The following CPSF4L variants were observed in gnomAD, a reference collection of about 807,000 sequenced individuals.
CPSF4L encodes the protein putative cleavage and polyadenylation specificity factor subunit 4-like protein.
In CPSF4L, 18 loss-of-function variants were observed where a neutral mutation model predicts 24.0. The observed-to-expected ratio is 0.75, with a 90% CI of 0.52 to 1.11. The LOEUF (loss-of-function observed/expected upper bound fraction) is 1.11. CPSF4L is among the 50% of genes least tolerant of loss of function. CPSF4L has a pLI of 0.00. For missense variants in CPSF4L, 211 were observed against 221.8 expected (o/e 0.95, Z 0.31); for synonymous variants, 72 against 77.2 (o/e 0.93, Z 0.35).
At chr17:73,250,858 A>G (rs2062002764) in intron 5 of CPSF4L, 1 of 750,814 alleles carries the variant, frequency 1.3e-6, no homozygotes. Context: ...ATTCTCCCCT[A>G]ATTCACACTC....
intron 4 of CPSF4L, among the ~76,000 whole-genome samples, chr17:73,253,603 A>G (rs1046330795): frequency 6.6e-6 from 1 of 152,234 alleles, no homozygotes; most frequent in Non-Finnish European, 1.5e-5. Context: ...GGAATGCGGA[A>G]GAGAGCACAC....
At chr17:73,261,023 G>A in intron 1 of CPSF4L, 40 bp from the exon 2 acceptor site, 1 of 1,521,916 alleles carries the variant, frequency 6.6e-7, no homozygotes, top group Non-Finnish European at 8.9e-7. Context: ...AGCTTCCCCA[G>A]AGGCTGCAGC....
intron 4 of CPSF4L, 37 bp downstream of exon 4, chr17:73,253,894 C>G: frequency 6.9e-7 from 1 of 1,454,792 alleles, no homozygotes; most frequent in Non-Finnish European, 9.4e-7. Flanking sequence ...CCCTGATCCC[C>G]ACAGCCCCTA....
rs146478068 is a variant in CPSF4L at position 73,258,302 on chromosome 17, G to A, written c.155-469C>T. On this transcript the variant is annotated intron_variant, in intron 2 of 5. Transcript: ENST00000344935. ...TGGGATTACAGGCGTGAGCCACCGC[G>A]CCCAGCCAAGCTCTTGTTTTTGAGA... Among the ~76,000 whole-genome samples, 692 of 151,828 alleles carry A rather than the reference G, an allele frequency of 4.6e-3. 6 individuals carry two copies. The highest frequency in any genetic ancestry group is 0.015 in the African/African-American group (639 of 41,394).
At chr17:73,263,412 A>T (rs547065457), upstream of CPSF4L, among the ~76,000 whole-genome samples, 1 of 152,282 alleles carries the variant, frequency 6.6e-6, no homozygotes, top group East Asian at 1.9e-4. Context: ...CATTCACACA[A>T]TAATGCGATG....
intron 3 of CPSF4L, among the ~76,000 whole-genome samples, chr17:73,255,123 G>A (rs1329452103): frequency 1.3e-5 from 2 of 152,130 alleles, no homozygotes; most frequent in African/African-American, 2.4e-5. Flanking sequence ...GCGTCGTAGC[G>A]TCTATTCCAC....
chr17:73,251,135 A>G, intron 5 of CPSF4L: 3 of 1,514,404 alleles, frequency 2.0e-6, no homozygotes, highest in Non-Finnish European at 2.7e-6. Context: ...GAAAACACCT[A>G]CTGCAGATAG....
intron 2 of CPSF4L, among the ~76,000 whole-genome samples, chr17:73,258,755 C>T (rs903188286): frequency 3.3e-5 from 5 of 152,342 alleles, no homozygotes; most frequent in Admixed American, 1.3e-4. Context: ...CACCCCCTCT[C>T]GTCCTGCCAG....
chr17:73,243,784 C>T (rs546314104), downstream of CPSF4L, among the ~76,000 whole-genome samples: 4 of 152,210 alleles, frequency 2.6e-5, no homozygotes, highest in Admixed American at 6.5e-5. Context: ...TCTCCTGCCT[C>T]GGCCTCCCAA....
At chr17:73,259,479 C>G (rs1470183518) in intron 2 of CPSF4L, among the ~76,000 whole-genome samples, 1 of 152,210 alleles carries the variant, frequency 6.6e-6, no homozygotes, top group African/African-American at 2.4e-5. Context: ...ACTCCCCCGG[C>G]CAAGGTGCTC....
At chr17:73,248,156 T>A (rs1235938664), downstream of CPSF4L, 2 of 268,502 alleles carry the variant, frequency 7.4e-6, no homozygotes, top group Non-Finnish European at 1.4e-5. Flanking sequence ...CGCTCATGTA[T>A]GCAAAATTCC....
At chr17:73,242,292 C>T in the CPSF4L span, 5 of 1,607,770 alleles carry the variant, frequency 3.1e-6, no homozygotes, top group Admixed American at 1.7e-5. Context: ...TTGGAACCCC[C>T]TGCCGGACTT....
At chr17:73,248,012 C>CTATTAATA, downstream of CPSF4L, 1 of 155,694 alleles carries the variant, frequency 6.4e-6, no homozygotes. Context: ...AGTTTAAGAG[C>CTATTAATA]GTTGTTGAGG....
chr17:73,250,200 T>C (rs2061999222), intron 5 of CPSF4L: 3 of 1,537,780 alleles, frequency 2.0e-6, no homozygotes, highest in Non-Finnish European at 2.6e-6. Flanking sequence ...CAGAATCCCA[T>C]AGTAAGACCA....
intron 2 of CPSF4L, among the ~76,000 whole-genome samples, chr17:73,259,499 AC>A (rs1450732363): frequency 6.6e-6 from 1 of 152,060 alleles, no homozygotes; most frequent in African/African-American, 2.4e-5. Context: ...CTTTTTAAAT[AC>A]CCCTAACCTC....
the CPSF4L span, chr17:73,242,987 G>C: frequency 6.2e-7 from 1 of 1,613,556 alleles, no homozygotes; most frequent in Non-Finnish European, 8.5e-7. Context: ...GTTGTAGCTG[G>C]AGTTTCAGAC....
At chr17:73,260,861 C>T (rs926339397) in intron 2 of CPSF4L, 72 bp downstream of exon 2, 2 of 1,299,124 alleles carry the variant, frequency 1.5e-6, no homozygotes, top group Non-Finnish European at 2.2e-6. Flanking sequence ...CCAGGCAGAG[C>T]CCCTGCTGGG....
upstream of CPSF4L, among the ~76,000 whole-genome samples, chr17:73,263,557 G>A (rs1371701331): frequency 1.3e-5 from 2 of 152,078 alleles, no homozygotes; most frequent in African/African-American, 4.8e-5. Context: ...CAATGTGAAG[G>A]CTGAGGAGGC....
Position 73,254,037 on chromosome 17 carries a change from C to G in CPSF4L, c.308-11G>C, listed in dbSNP as rs763036295. 1.9e-6 allele frequency: 3 copies of G among 1,547,434 alleles called. No homozygotes were observed. The highest frequency in any genetic ancestry group is 2.6e-6 in the Non-Finnish European group (3 of 1,143,330). On this transcript the variant is annotated splice_polypyrimidine_tract_variant and intron_variant, in intron 3 of 5. Coordinates refer to ENST00000344935, the MANE Select transcript of CPSF4L (RefSeq NM_001129885.1). ...TGTTGCTGCAGTCACCTGAAAATCC[C>G]AGCACTCTCTGTAGAAGCAGTTTCT...
Sources: gnomAD v4.1 joint callset for allele counts (sites outside exome capture counted in the v4.1 genomes callset) on GRCh38, gnomAD v4.1.1 for gene constraint, MANE v1.5 for transcripts, NCBI Gene and HGNC (gene_info 2026-07-23, HGNC 2026-07-21) for gene names.